Variants in SPAG17 observed in about 807,000 individuals in gnomAD.
The protein encoded by SPAG17 is sperm-associated antigen 17.
Under a neutral mutation model 273.6 loss-of-function variants are expected in SPAG17, and 169 were observed. That is an observed-to-expected ratio of 0.62 (90% confidence interval 0.55 to 0.70). The LOEUF is 0.70. SPAG17 is among the 30% of genes least tolerant of loss of function. The pLI is 0.00. For synonymous variants in SPAG17, 825 were observed against 873.2 expected, an observed-to-expected ratio of 0.94 and a Z score of 0.97; for missense variants, 2,557 against 2,627.8, an observed-to-expected ratio of 0.97 and a Z score of 0.59.
At chr1:118,101,961 A>T (rs370789685) in intron 4 of SPAG17, 35 bp from the exon 5 acceptor site, 1 of 1,569,660 alleles carries the variant, frequency 6.4e-7, no homozygotes, top group African/African-American at 1.4e-5. Context: ...TCCAAATCAA[A>T]CAGTGAGCAA....
rs1456822590 is a variant in SPAG17 at position 117,957,252 on chromosome 1, AC to A, written c.*1-3204del. 3.2e-6 allele frequency: 5 copies of A among 1,548,696 alleles called. No homozygotes were observed. In the African/African-American group the frequency reaches 7.0e-5, roughly 22 times the overall value. On this transcript the variant is annotated intron_variant, in intron 48 of 48. Coordinates refer to ENST00000336338, the MANE Select transcript of SPAG17 (RefSeq NM_206996.4). ...TGTTCAGCAGAACTGCTTCAGTAGTACCTTAACTGAAGCTGTCAACACTTTG... is the reference window on the plus strand; with the variant it reads ...TGTTCAGCAGAACTGCTTCAGTAGTACTTAACTGAAGCTGTCAACACTTTG...
intron 32 of SPAG17, among the ~76,000 whole-genome samples, chr1:118,000,022 A>C (rs60450880): frequency 0.37 from 56,038 of 152,068 alleles, 11,492 homozygotes; most frequent in Non-Finnish European, 0.46. Flanking sequence ...GAAGGGATCC[A>C]GTTTCAGCTT....
chr1:118,009,621 G>A (rs904990508), intron 30 of SPAG17, among the ~76,000 whole-genome samples: 31 of 152,154 alleles, frequency 2.0e-4, no homozygotes, highest in Middle Eastern at 3.4e-3. Flanking sequence ...AGGATCAAAG[G>A]AAACATCTGA....
At chr1:118,121,526 C>T (rs1191553572) in intron 3 of SPAG17, among the ~76,000 whole-genome samples, 1 of 152,106 alleles carries the variant, frequency 6.6e-6, no homozygotes, top group African/African-American at 2.4e-5. Flanking sequence ...ATATTAGATT[C>T]TCATAGGAGT....
chr1:117,983,812 T>C lies in SPAG17; in HGVS notation c.5871A>G (p.Leu1957=). Residue 1957 remains leucine, a splice_region_variant and synonymous_variant, in exon 42 of 49, where the codon CTA becomes CTG. Transcript: ENST00000336338. The part of the protein sequence containing the change: ...TAVQDTSDLN[L]DFKPHKVSEQ... Reference sequence around the variant, plus strand: ...ATATGTGCTATGCTAACATATTACCTAGATTAAGATCAGATGTATCTTGAA... The same window carrying C: ...ATATGTGCTATGCTAACATATTACCCAGATTAAGATCAGATGTATCTTGAA... The C allele has an allele frequency of 6.3e-7, 1 of 1,596,280 alleles. No homozygotes were observed. Among genetic ancestry groups the C allele is most frequent in the Middle Eastern group, 1.7e-4 (1 of 6,008 alleles).
At chr1:118,050,512 T>C (rs548969653) in intron 20 of SPAG17, among the ~76,000 whole-genome samples, 1 of 152,266 alleles carries the variant, frequency 6.6e-6, no homozygotes, top group South Asian at 2.1e-4. Flanking sequence ...GCTATAAAGC[T>C]ATGCTAATCA....
chr1:118,171,213 T>C (rs1386727938), intron 1 of SPAG17, among the ~76,000 whole-genome samples: 2 of 152,094 alleles, frequency 1.3e-5, no homozygotes, highest in Non-Finnish European at 2.9e-5. Context: ...GTATAATAAG[T>C]TGAATTGCAA....
chr1:118,023,136 G>A (rs113300372), intron 28 of SPAG17, among the ~76,000 whole-genome samples, 168 bp downstream of exon 28: 362 of 152,132 alleles, frequency 2.4e-3, no homozygotes, highest in African/African-American at 8.1e-3. Context: ...GAAACAGTAC[G>A]TAATTCTGTG....
intron 3 of SPAG17, among the ~76,000 whole-genome samples, chr1:118,132,276 C>A (rs1173223847): frequency 6.6e-6 from 1 of 151,844 alleles, no homozygotes; most frequent in African/African-American, 2.4e-5. Flanking sequence ...GAGCAGTGAC[C>A]CAGGAAGAAG....
intron 3 of SPAG17, among the ~76,000 whole-genome samples, chr1:118,125,381 G>C (rs1657660346): frequency 6.6e-6 from 1 of 151,986 alleles, no homozygotes; most frequent in South Asian, 2.1e-4. Context: ...TTTGTGTTAG[G>C]AACAATTCAA....
At chr1:118,054,936 C>T (rs1281523344) in intron 19 of SPAG17, among the ~76,000 whole-genome samples, 3 of 152,030 alleles carry the variant, frequency 2.0e-5, no homozygotes, top group Non-Finnish European at 2.9e-5. Flanking sequence ...TGTAGCGTTG[C>T]TTCTTTATGA....
At chr1:118,057,112 G>A (rs1651785823) in intron 18 of SPAG17, among the ~76,000 whole-genome samples, 4 of 151,906 alleles carry the variant, frequency 2.6e-5, no homozygotes, top group Admixed American at 1.3e-4. Flanking sequence ...GAGTAGCTGG[G>A]ATTACAGGTG....
chr1:118,114,523 A>G (rs189514166), intron 4 of SPAG17, among the ~76,000 whole-genome samples: 1 of 152,308 alleles, frequency 6.6e-6, no homozygotes, highest in Non-Finnish European at 1.5e-5. Context: ...CTTAAGGCAT[A>G]AAGAAATGAC....
chr1:117,996,848 A>G lies in SPAG17; in HGVS notation c.4777-105T>C, dbSNP rs1671438482. ...CAGATGATTTGGTGGGTTTACTCAC[A>G]AAATTGGAGATGTTTATTTGCAAGG... On this transcript the variant is annotated intron_variant, in intron 32 of 48. Coordinates refer to ENST00000336338, the MANE Select transcript of SPAG17 (RefSeq NM_206996.4). 4 of 1,170,010 alleles carry G rather than the reference A, an allele frequency of 3.4e-6. No homozygotes were observed. In the African/African-American group the frequency reaches 6.2e-5, roughly 18 times the overall value. 72.5% of individuals were successfully genotyped at this position (1,170,010 alleles called of 1,614,324 possible).
chr1:118,059,158 G>A (rs1652010707), intron 18 of SPAG17, among the ~76,000 whole-genome samples: 1 of 152,048 alleles, frequency 6.6e-6, no homozygotes, highest in Admixed American at 6.5e-5. Flanking sequence ...ACTTTTAGAA[G>A]AATTGAAAAA....
intron 10 of SPAG17, 63 bp from the exon 11 acceptor site, chr1:118,087,071 T>C: frequency 3.3e-6 from 5 of 1,493,540 alleles, no homozygotes; most frequent in Non-Finnish European, 4.5e-6. Flanking sequence ...TACTCACTGC[T>C]CATTGCTGCA....
At chr1:117,969,589 A>C (rs1250051272) in intron 46 of SPAG17, among the ~76,000 whole-genome samples, 1 of 151,884 alleles carries the variant, frequency 6.6e-6, no homozygotes, top group Non-Finnish European at 1.5e-5. Context: ...AAAATAAATA[A>C]ATAAATAAAT....
At chr1:118,099,094 A>C (rs943780876) in intron 6 of SPAG17, among the ~76,000 whole-genome samples, 9 of 152,186 alleles carry the variant, frequency 5.9e-5, no homozygotes, top group Non-Finnish European at 1.3e-4. Flanking sequence ...CAAGGCTCAA[A>C]ATGGCTAAAT....
intron 13 of SPAG17, among the ~76,000 whole-genome samples, chr1:118,082,965 G>C (rs1369151483): frequency 1.3e-5 from 2 of 152,064 alleles, no homozygotes; most frequent in Non-Finnish European, 2.9e-5. Flanking sequence ...ATAGGTGATG[G>C]CTCAAAAAGT....
Sources: allele counts gnomAD v4.1 joint callset (sites outside exome capture counted in the v4.1 genomes callset), GRCh38; gene constraint gnomAD v4.1.1; transcripts MANE v1.5; gene names NCBI Gene and HGNC (gene_info 2026-07-23, HGNC 2026-07-21).